SLC38A9: variants seen among roughly 807,000 people sequenced by gnomAD.
SLC38A9 encodes the protein neutral amino acid transporter 9.
In SLC38A9, 48 loss-of-function variants were observed where a neutral mutation model predicts 62.3. The ratio of observed to expected loss-of-function variants is 0.77; its 90% CI spans 0.61 to 0.98. The LOEUF (loss-of-function observed/expected upper bound fraction) is 0.98. SLC38A9 is among the 50% of genes least tolerant of loss of function. The pLI is 0.00. For synonymous variants in SLC38A9, 204 were observed against 227.7 expected, an observed-to-expected ratio of 0.90 and a Z score of 0.94; for missense variants, 541 against 679.8, an observed-to-expected ratio of 0.80 and a Z score of 2.27.
chr5:55,638,177 A>C (rs932245771), intron 12 of SLC38A9, among the ~76,000 whole-genome samples: 9 of 152,170 alleles, frequency 5.9e-5, no homozygotes, highest in African/African-American at 1.7e-4. Flanking sequence ...TTATGCTTTT[A>C]TTATAAAAGC....
intron 2 of SLC38A9, among the ~76,000 whole-genome samples, chr5:55,710,015 G>C (rs1757791899): frequency 7.2e-6 from 1 of 139,378 alleles, no homozygotes; most frequent in Non-Finnish European, 1.5e-5. Context: ...GTTGCAGTGA[G>C]CTGAGATTGC....
intron 3 of SLC38A9, chr5:55,696,754 CA>C (rs1755864675): frequency 6.5e-6 from 1 of 152,676 alleles, no homozygotes; most frequent in Non-Finnish European, 1.4e-5. Flanking sequence ...AGACGCTCCT[CA>C]CTTCCCAGAC....
rs1212785568 is a variant in SLC38A9, at chr5:55,669,251, A to C, written c.503T>G (p.Val168Gly). Residue 168 changes from valine (V) to glycine (G), a missense_variant, in exon 7 of 16, where the codon GTA becomes GGA. Physicochemically the swap from Val to Gly is moderately radical, Grantham distance 109. Transcript: ENST00000396865. Reference protein sequence around the residue: ...GLLTLYCCYRVVKSRTMMFSL... With the variant: ...GLLTLYCCYRGVKSRTMMFSL... ...ACACATCATAGTCCGTGATTTCACT[A>C]CTCTGTAGCAGCAATAAAGTGTTAA... 1 of 1,612,800 alleles carries C rather than the reference A, an allele frequency of 6.2e-7. No individual in the cohort carries two copies. Among genetic ancestry groups the C allele is most frequent in the Admixed American group, 1.7e-5 (1 of 59,866 alleles).
At chr5:55,634,789 T>C (rs73119746) in intron 13 of SLC38A9, 7,438 of 152,328 alleles carry the variant, frequency 0.049, 313 homozygotes, top group African/African-American at 0.11. Context: ...TATTCCATTG[T>C]ACTCTATAAG....
chr5:55,635,755 CT>C (rs1418795558), intron 12 of SLC38A9, 98 bp from the exon 13 acceptor site: 23 of 747,048 alleles, frequency 3.1e-5, no homozygotes, highest in Non-Finnish European at 5.1e-5. Context: ...TAAAATTTGT[CT>C]TTTTACCTTG....
chr5:55,675,460 A>G (rs1405636674), intron 3 of SLC38A9: 3 of 150,772 alleles, frequency 2.0e-5, no homozygotes, highest in Non-Finnish European at 3.0e-5. Context: ...AAATATAACT[A>G]TATTTTTAAA....
chr5:55,693,497 CACAT>C (rs985823420), intron 3 of SLC38A9: 1 of 152,104 alleles, frequency 6.6e-6, no homozygotes, highest in African/African-American at 2.4e-5. Flanking sequence ...CAACCTTGTA[CACAT>C]ACAATTTTTG....
intron 11 of SLC38A9, among the ~76,000 whole-genome samples, chr5:55,646,370 C>CA (rs1005477296): frequency 6.8e-5 from 10 of 148,064 alleles, no homozygotes; most frequent in South Asian, 2.1e-4. Context: ...GACTCCATCT[C>CA]AAAAAAAAAA....
intron 7 of SLC38A9, 29 bp from the exon 8 acceptor site, chr5:55,664,892 T>C (rs1253792016): frequency 4.2e-6 from 6 of 1,428,768 alleles, no homozygotes; most frequent in South Asian, 2.8e-5. Context: ...AGAATAAAAC[T>C]AAATGTTGAA....
intron 3 of SLC38A9, among the ~76,000 whole-genome samples, chr5:55,686,973 G>C (rs1255367027): frequency 6.6e-6 from 1 of 151,594 alleles, no homozygotes; most frequent in Non-Finnish European, 1.5e-5. Context: ...CCATTGGTCT[G>C]TGGGTCTGTT....
intron 9 of SLC38A9, among the ~76,000 whole-genome samples, chr5:55,655,061 A>C (rs545601922): frequency 9.9e-5 from 15 of 152,058 alleles, no homozygotes; most frequent in Non-Finnish European, 2.1e-4. Context: ...GCTGATCTCA[A>C]ACTCCTGGGC....
At position 55,705,739 on chromosome 5, in the gene SLC38A9, G is replaced by A. The variant is rs911158087; in HGVS notation, c.-35+5713C>T. 2.8e-4 allele frequency among the ~76,000 whole-genome samples: 42 copies of A among 148,350 alleles called. 1 individual carries two copies. The highest frequency in any genetic ancestry group is 4.2e-4 in the South Asian group (2 of 4,720). ...TTTTTTTTTTTGGTGACGGAGTCTC[G>A]CTCTGTCACCCAGGCTGGAGTGCAG... On this transcript the variant is annotated intron_variant, in intron 2 of 15. Transcript: ENST00000396865.
At chr5:55,700,846 T>C (rs940264921) in intron 2 of SLC38A9, among the ~76,000 whole-genome samples, 6 of 152,202 alleles carry the variant, frequency 3.9e-5, no homozygotes, top group Non-Finnish European at 4.4e-5. Flanking sequence ...CTCCAGGTTT[T>C]TTCCCTACGT....
intron 3 of SLC38A9, among the ~76,000 whole-genome samples, chr5:55,673,722 T>C (rs1052834220): frequency 6.6e-6 from 1 of 151,070 alleles, no homozygotes; most frequent in African/African-American, 2.4e-5. Context: ...TTTTTTTTTT[T>C]TTTTTTTGAG....
intron 12 of SLC38A9, among the ~76,000 whole-genome samples, chr5:55,642,228 G>A (rs1745547941): frequency 6.6e-6 from 1 of 152,128 alleles, no homozygotes; most frequent in South Asian, 2.1e-4. Flanking sequence ...TGTATTTTTA[G>A]TAGAGACGGG....
chr5:55,688,399 T>TTTTG (rs1754247837), intron 3 of SLC38A9, among the ~76,000 whole-genome samples: 1 of 148,412 alleles, frequency 6.7e-6, no homozygotes, highest in African/African-American at 2.5e-5. Context: ...TTTTTTTTTT[T>TTTTG]AAGACAGTCT....
At chr5:55,688,162 G>A (rs1244245258) in intron 3 of SLC38A9, among the ~76,000 whole-genome samples, 4 of 152,144 alleles carry the variant, frequency 2.6e-5, no homozygotes, top group Non-Finnish European at 4.4e-5. Context: ...TTTGGACTGA[G>A]ACGATACAGT....
In SLC38A9 at chr5:55,641,488, C is replaced by T. The variant is rs970068849; in HGVS notation, c.1167+4301G>A. Among the ~76,000 whole-genome samples, 5 of 152,228 alleles carry T rather than the reference C, an allele frequency of 3.3e-5. No homozygotes were observed. In the South Asian group the frequency reaches 8.3e-4, roughly 25 times the overall value. ...AATGCACGTTGATAAGCTCACCTTC[C>T]TTAAGTTTCTCTAGCTGCATATCTG... On this transcript the variant is annotated intron_variant, in intron 12 of 15. Transcript: ENST00000396865.
intron 7 of SLC38A9, among the ~76,000 whole-genome samples, chr5:55,666,675 C>G (rs1750511761): frequency 6.6e-6 from 1 of 151,080 alleles, no homozygotes; most frequent in Admixed American, 6.6e-5. Context: ...GGTGGATCAA[C>G]TTGAGGTCAG....
Sources: gnomAD v4.1 joint callset for allele counts (sites outside exome capture counted in the v4.1 genomes callset) on GRCh38, gnomAD v4.1.1 for gene constraint, MANE v1.5 for transcripts, NCBI Gene and HGNC (gene_info 2026-07-23, HGNC 2026-07-21) for gene names.